The following FAR1 variants were observed in gnomAD, a reference collection of about 807,000 sequenced individuals.
The protein encoded by FAR1 is fatty acyl-CoA reductase 1.
Under a neutral mutation model 61.1 loss-of-function variants are expected in FAR1, and 22 were observed. The observed-to-expected ratio is 0.36, with a 90% CI of 0.26 to 0.51. The LOEUF (loss-of-function observed/expected upper bound fraction) is 0.51. Among genes scored for constraint, FAR1 ranks in the 20% least tolerant of loss-of-function variants. The probability of loss-of-function intolerance (pLI) is 0.95; values close to 1 mark genes in which losing one functional copy is unlikely to be tolerated. For synonymous variants in FAR1, 206 were observed against 209.7 expected (o/e 0.98, Z 0.15); for missense variants, 359 against 626.9 (o/e 0.57, Z 4.56).
intron 3 of FAR1, among the ~76,000 whole-genome samples, chr11:13,706,092 C>T (rs1406784625): frequency 6.6e-6 from 1 of 151,888 alleles, no homozygotes; most frequent in Non-Finnish European, 1.5e-5. Flanking sequence ...AAAAAATTTC[C>T]TTTGAACATT....
At chr11:13,707,577 A>G (rs1848446950) in intron 3 of FAR1, among the ~76,000 whole-genome samples, 1 of 152,214 alleles carries the variant, frequency 6.6e-6, no homozygotes, top group African/African-American at 2.4e-5. Flanking sequence ...AAGATGCAAA[A>G]TAAGTCTAGC....
chr11:13,708,809 G>A (rs1260053278), intron 4 of FAR1, among the ~76,000 whole-genome samples: 2 of 152,242 alleles, frequency 1.3e-5, no homozygotes, highest in South Asian at 4.2e-4. Flanking sequence ...TAGAGAATCA[G>A]AGGAATCATA....
intron 3 of FAR1, among the ~76,000 whole-genome samples, chr11:13,703,567 G>T (rs1441094742): frequency 6.6e-6 from 1 of 152,174 alleles, no homozygotes; most frequent in Non-Finnish European, 1.5e-5. Flanking sequence ...AGAGGCGATA[G>T]GATATGCAAA....
intron 10 of FAR1, among the ~76,000 whole-genome samples, chr11:13,722,854 CTCTCTATA>C (rs1358951851): frequency 1.6e-3 from 220 of 141,476 alleles, no homozygotes; most frequent in African/African-American, 5.3e-3. Context: ...CTCTCTCTCT[CTCTCTATA>C]TATATATATA....
intron 1 of FAR1, among the ~76,000 whole-genome samples, chr11:13,686,100 TAGA>T (rs1565340842): frequency 1.3e-5 from 2 of 152,218 alleles, no homozygotes; most frequent in Non-Finnish European, 2.9e-5. Flanking sequence ...GGGATTTAGT[TAGA>T]AGATTTGGTT....
At chr11:13,708,436 C>T (rs573736910) in intron 4 of FAR1, among the ~76,000 whole-genome samples, 28 of 88,264 alleles carry the variant, frequency 3.2e-4, no homozygotes, top group East Asian at 1.2e-3. Context: ...TATACATGTG[C>T]GCGCGCGCGC....
rs371535952 is a variant in FAR1 at position 13,681,979 on chromosome 11, C to G, written c.-7-12780C>G. Among the ~76,000 whole-genome samples, 27 of 152,260 alleles carry G rather than the reference C, an allele frequency of 1.8e-4. No homozygotes were observed. In the East Asian group the frequency reaches 5.0e-3, roughly 28 times the overall value. On this transcript the variant is annotated intron_variant, in intron 1 of 11. Transcript: ENST00000354817. ...TTGTGACAGGATTATGTTATGTGCTCTTCTTCACTTGTAGTCTTTTCTGCA... is the reference window on the plus strand; with the variant it reads ...TTGTGACAGGATTATGTTATGTGCTGTTCTTCACTTGTAGTCTTTTCTGCA...
chr11:13,684,459 T>C (rs1260037083), intron 1 of FAR1, among the ~76,000 whole-genome samples: 1 of 152,240 alleles, frequency 6.6e-6, no homozygotes, highest in African/African-American at 2.4e-5. Context: ...CTTTTGTGTT[T>C]ATTTTCACAA....
chr11:13,718,662 C>T (rs1273270424), intron 9 of FAR1, among the ~76,000 whole-genome samples: 1 of 152,196 alleles, frequency 6.6e-6, no homozygotes, highest in Admixed American at 6.5e-5. Flanking sequence ...CATAACAAGT[C>T]ACCTCAAACT....
chr11:13,712,058 G>T lies in FAR1; in HGVS notation c.887+12G>T. On this transcript the variant is annotated intron_variant, in intron 7 of 11. Coordinates refer to ENST00000354817, the MANE Select transcript of FAR1 (RefSeq NM_032228.6). The stretch of plus-strand genomic sequence containing the variant: ...TCCGGAGTTAATAGGTATATGAGGT[G>T]ACAATGTCGCTTATTAAATATATAG... The T allele has an allele frequency of 1.3e-6, 2 of 1,532,476 alleles. No individual in the cohort carries two copies. Among genetic ancestry groups the T allele is most frequent in the South Asian group, 2.2e-5 (2 of 88,902 alleles). The allele number at this position is 1,532,476 out of a possible 1,614,324, so 94.9% of individuals were successfully genotyped here. A position where few individuals can be genotyped will look rare whatever the true frequency, so the allele number is the denominator to read the frequency against.
At chr11:13,713,619 T>C (rs1848524614) in intron 8 of FAR1, among the ~76,000 whole-genome samples, 1 of 152,132 alleles carries the variant, frequency 6.6e-6, no homozygotes, top group Non-Finnish European at 1.5e-5. Flanking sequence ...TGTTGGTTGA[T>C]GAGTTCAAAT....
intron 4 of FAR1, among the ~76,000 whole-genome samples, chr11:13,710,389 G>A (rs559401942): frequency 6.6e-6 from 1 of 152,000 alleles, no homozygotes; most frequent in Admixed American, 6.6e-5. Flanking sequence ...ATATATGAAT[G>A]TTTAAGTTGT....
chr11:13,723,252 C>G (rs760997108), intron 10 of FAR1: 1 of 305,600 alleles, frequency 3.3e-6, no homozygotes, highest in Non-Finnish European at 6.3e-6. Flanking sequence ...GTAGTCCTAG[C>G]TACTCAGGAG....
chr11:13,670,657 G>A (rs1847990461), intron 1 of FAR1, among the ~76,000 whole-genome samples: 1 of 151,608 alleles, frequency 6.6e-6, no homozygotes, highest in African/African-American at 2.4e-5. Flanking sequence ...TTATGTATTA[G>A]GCTTGTTGGG....
At chr11:13,708,988 C>T (rs545712383) in intron 4 of FAR1, among the ~76,000 whole-genome samples, 1 of 152,290 alleles carries the variant, frequency 6.6e-6, no homozygotes, top group East Asian at 1.9e-4. Context: ...ATCAAACAGA[C>T]AAGGTTCAGA....
intron 11 of FAR1, 89 bp downstream of exon 11, chr11:13,727,772 C>G: frequency 8.1e-7 from 1 of 1,229,740 alleles, no homozygotes; most frequent in South Asian, 1.5e-5. Context: ...TTTGCTATAT[C>G]TGTCATTCAA....
rs1848690971 is a variant in FAR1 at position 13,728,651 on chromosome 11, G to C, written c.1425G>C (p.Val475=). ...NIRYGFNTIL[V]ILIWRIFIAR... is the part of the protein sequence containing the mutation. ...GTTATGGTTTTAATACTATCCTTGT[G>C]ATCCTCATCTGGCGCATTTTTATTG... Residue 475 remains valine, a synonymous_variant, in exon 12 of 12, where the codon GTG becomes GTC. Transcript: ENST00000354817. The C allele has an allele frequency of 1.2e-6, 2 of 1,612,108 alleles. No homozygotes were observed. Among genetic ancestry groups the C allele is most frequent in the Admixed American group, 3.3e-5 (2 of 59,950 alleles).
intron 4 of FAR1, among the ~76,000 whole-genome samples, chr11:13,709,576 T>TA (rs544958397): frequency 6.6e-6 from 1 of 152,260 alleles, no homozygotes; most frequent in Non-Finnish European, 1.5e-5. Flanking sequence ...CTCGTTCTAG[T>TA]AATAAGGCTT....
In FAR1 at chr11:13,732,293, G is replaced by A. The variant is rs1318267084; in HGVS notation, c.*3519G>A. 2.0e-5 allele frequency: 3 copies of A among 151,958 alleles called. No homozygotes were observed. Among genetic ancestry groups the A allele is most frequent in the African/African-American group, 4.8e-5 (2 of 41,378 alleles). The allele number at this position is 151,958 out of a possible 1,614,324, so 9.4% of individuals were successfully genotyped here. On this transcript the variant is annotated 3_prime_UTR_variant, in exon 12 of 12. Coordinates refer to ENST00000354817, the MANE Select transcript of FAR1 (RefSeq NM_032228.6). ...ATCTTTGTCAGTTAAGTATAGTTGC[G>A]CAAAAATTGTTAAATCCTTTGTCTT... is the stretch of plus-strand genomic sequence containing the variant.
Sources: allele counts gnomAD v4.1 joint callset (sites outside exome capture counted in the v4.1 genomes callset), GRCh38; gene constraint gnomAD v4.1.1; transcripts MANE v1.5; gene names NCBI Gene and HGNC (gene_info 2026-07-23, HGNC 2026-07-21).